Variants in MAP3K19 observed in about 807,000 individuals in gnomAD.
MAP3K19 encodes SPS1/STE20-related protein kinase YSK4.
Under a neutral mutation model 114.4 loss-of-function variants are expected in MAP3K19, and 91 were observed. The ratio of observed to expected loss-of-function variants is 0.80; its 90% CI spans 0.67 to 0.95. MAP3K19 has a LOEUF of 0.95. Among genes scored for constraint, MAP3K19 ranks in the 40% least tolerant of loss-of-function variants. MAP3K19 has a pLI of 0.00. For synonymous variants in MAP3K19, 518 were observed against 530.5 expected (o/e 0.98, Z 0.32); for missense variants, 1,471 against 1,573.2 (o/e 0.94, Z 1.10).
chr2:135,023,336 C>A, intron 4 of MAP3K19: 1 of 449,058 alleles, frequency 2.2e-6, no homozygotes, highest in South Asian at 1.7e-5. Context: ...TCCTCTCTAT[C>A]TGCGGGTGCA....
intron 5 of MAP3K19, among the ~76,000 whole-genome samples, chr2:135,013,338 G>A (rs1046297741): frequency 6.6e-6 from 1 of 151,224 alleles, no homozygotes; most frequent in African/African-American, 2.4e-5. Flanking sequence ...AGAAGAAGAA[G>A]AAGAACAAGG....
chr2:135,037,624 AG>A (rs1203138901), intron 2 of MAP3K19, among the ~76,000 whole-genome samples: 2 of 152,156 alleles, frequency 1.3e-5, no homozygotes, highest in Non-Finnish European at 2.9e-5. Context: ...TGTGAGCAAA[AG>A]TGCCAAGTGT....
In MAP3K19 at chr2:134,964,902, C is replaced by T. The variant is rs1246498267; in HGVS notation, c.3935G>A (p.Arg1312Gln). 1.2e-5 allele frequency: 19 copies of T among 1,612,536 alleles called. No homozygotes were observed. Among genetic ancestry groups the T allele is most frequent in the African/African-American group, 8.0e-5 (6 of 74,894 alleles). The change falls in exon 13 of 13, where the codon CGA (arginine) becomes CAA (glutamine). Residue 1312 changes from arginine to glutamine, a missense_variant. Arg to Gln is a conservative substitution (Grantham distance 43). Coordinates refer to ENST00000392915, the MANE Select transcript of MAP3K19 (RefSeq NM_025052.5). ...CTTCAGGAGCTGGAGAGCAGAAGGT[C>T]GCTCATGCTGGTCCCTAAGAAGGGA... ...RMCLTRDQHE[R>Q]PSALQLLKHS...
intron 3 of MAP3K19, among the ~76,000 whole-genome samples, chr2:135,027,642 T>A (rs1334871273): frequency 6.6e-6 from 1 of 152,158 alleles, no homozygotes; most frequent in African/African-American, 2.4e-5. Flanking sequence ...ATCAGAGGGG[T>A]CAAGCCATGT....
rs192081195 is a variant in MAP3K19 at position 134,964,657 on chromosome 2, A to G, written c.*193T>C. 9.5e-6 allele frequency: 4 copies of G among 420,708 alleles called. No homozygotes were observed. The highest frequency in any genetic ancestry group is 4.0e-5 in the African/African-American group (2 of 49,880). 26.1% of individuals were successfully genotyped at this position (420,708 alleles called of 1,614,324 possible). ...TATTAAGAACATGTTTTCTGATACT[A>G]TGAGTAATAATGTCTGACACTTGAG... On this transcript the variant is annotated 3_prime_UTR_variant, in exon 13 of 13. Coordinates refer to ENST00000392915, the MANE Select transcript of MAP3K19 (RefSeq NM_025052.5).
At chr2:135,039,156 T>C (rs997451087) in intron 2 of MAP3K19, among the ~76,000 whole-genome samples, 1 of 150,754 alleles carries the variant, frequency 6.6e-6, no homozygotes, top group African/African-American at 2.4e-5. Flanking sequence ...ATATGTGCTA[T>C]ATTTTATAAT....
At chr2:135,027,461 G>A (rs549907478) in intron 3 of MAP3K19, among the ~76,000 whole-genome samples, 31 of 152,240 alleles carry the variant, frequency 2.0e-4, no homozygotes, top group African/African-American at 7.2e-4. Flanking sequence ...TTTGTGTCTC[G>A]GTTTACATGT....
At chr2:134,991,888 G>C (rs1393611271) in intron 8 of MAP3K19, among the ~76,000 whole-genome samples, 2 of 152,134 alleles carry the variant, frequency 1.3e-5, no homozygotes, top group East Asian at 3.9e-4. Context: ...CCACAACCCA[G>C]TTCCTCACAG....
At position 135,031,495 on chromosome 2, in the gene MAP3K19, CT is replaced by C. The variant is rs140284353; in HGVS notation, c.-283-996del. ...AAGGAGATGTGGGTGGAGAAATCAGCTGTGCCTCAGTCCTGAAAGACCTGAC... is the reference window on the plus strand; with the variant it reads ...AAGGAGATGTGGGTGGAGAAATCAGCGTGCCTCAGTCCTGAAAGACCTGAC... On this transcript the variant is annotated intron_variant, in intron 2 of 12. Coordinates refer to ENST00000392915, the MANE Select transcript of MAP3K19 (RefSeq NM_025052.5). Among the ~76,000 whole-genome samples, 202 of 152,314 alleles carry C rather than the reference CT, an allele frequency of 1.3e-3. 1 individual carries two copies. Among genetic ancestry groups the C allele is most frequent in the African/African-American group, 4.7e-3 (194 of 41,558 alleles).
At chr2:134,967,873 T>TTA (rs1683488036) in intron 12 of MAP3K19, among the ~76,000 whole-genome samples, 2 of 151,428 alleles carry the variant, frequency 1.3e-5, no homozygotes, top group African/African-American at 2.4e-5. Context: ...TTTTTTTTTA[T>TTA]TTTTTATTGA....
intron 5 of MAP3K19, among the ~76,000 whole-genome samples, chr2:135,013,429 A>G (rs998443508): frequency 3.9e-5 from 6 of 152,046 alleles, no homozygotes; most frequent in Non-Finnish European, 7.4e-5. Flanking sequence ...AGAGTGGTAC[A>G]TTTGTTACAG....
At chr2:135,040,957 G>A (rs965322182) in intron 1 of MAP3K19, among the ~76,000 whole-genome samples, 8 of 152,134 alleles carry the variant, frequency 5.3e-5, no homozygotes, top group African/African-American at 1.9e-4. Flanking sequence ...CTCTAAAATG[G>A]AAATGATTGT....
intron 3 of MAP3K19, among the ~76,000 whole-genome samples, chr2:135,027,023 G>A (rs1688270761): frequency 6.6e-6 from 1 of 152,202 alleles, no homozygotes; most frequent in Non-Finnish European, 1.5e-5. Flanking sequence ...AGATGGGAGA[G>A]CAGCTTGAGG....
chr2:134,986,217 T>A lies in MAP3K19; in HGVS notation c.2655A>T (p.Arg885=), dbSNP rs1280082643. 6.2e-7 allele frequency: 1 copy of A among 1,613,956 alleles called. No individual in the cohort carries two copies. Among genetic ancestry groups the A allele is most frequent in the South Asian group, 1.1e-5 (1 of 90,982 alleles). Residue 885 remains arginine, a synonymous_variant, in exon 10 of 13, where the codon CGA becomes CGT. Transcript: ENST00000392915. ...CAAACTCTAGATCATTAGTTAAAAT[T>A]CGGCTGGCATTTACTTTACTAAGAG... ...TASLSKVNAS[R]ILTNDLEFDS... is the part of the protein sequence containing the mutation.
chr2:134,986,053 TG>T lies in MAP3K19; in HGVS notation c.2818del (p.Gln940LysfsTer7), dbSNP rs1163920891. On this transcript the variant is annotated frameshift_variant, in exon 10 of 13. Transcript: ENST00000392915. LOFTEE classifies it high-confidence loss of function. ...DSLANKSITY[Q>X]MFGKTLSGTN... ...GCCACTTAAGGTTTTTCCAAACATTTGATATGTGATTGACTTATTTGCTAAA... is the reference window on the plus strand; with the variant it reads ...GCCACTTAAGGTTTTTCCAAACATTTATATGTGATTGACTTATTTGCTAAA... The T allele has an allele frequency of 6.2e-7, 1 of 1,614,004 alleles. No individual in the cohort carries two copies. Among genetic ancestry groups the T allele is most frequent in the Admixed American group, 1.7e-5 (1 of 60,002 alleles).
At chr2:135,045,781 C>T (rs557438860) in intron 1 of MAP3K19, among the ~76,000 whole-genome samples, 18 of 152,102 alleles carry the variant, frequency 1.2e-4, no homozygotes, top group East Asian at 5.8e-4. Context: ...ACTGCAATAC[C>T]GGGTAATGTG....
chr2:134,964,887 T>C lies in MAP3K19; in HGVS notation c.3950A>G (p.Gln1317Arg), dbSNP rs1227842367. 1 of 1,613,026 alleles carries C rather than the reference T, an allele frequency of 6.2e-7. No individual in the cohort carries two copies. The highest frequency in any genetic ancestry group is 8.5e-7 in the Non-Finnish European group (1 of 1,179,380). ...RDQHERPSALQLLKHSFLERS... is the reference protein window; with the variant it reads ...RDQHERPSALRLLKHSFLERS... ...CTCCAAGAAGGAGTGCTTCAGGAGC[T>C]GGAGAGCAGAAGGTCGCTCATGCTG... is the stretch of plus-strand genomic sequence containing the variant. The change falls in exon 13 of 13, where the codon CAG becomes CGG. Residue 1317 changes from glutamine (Q) to arginine (R), a missense_variant. Coordinates refer to ENST00000392915, the MANE Select transcript of MAP3K19 (RefSeq NM_025052.5).
chr2:135,024,589 G>A (rs771952198), intron 4 of MAP3K19, 37 bp downstream of exon 4: 15 of 1,593,962 alleles, frequency 9.4e-6, no homozygotes, highest in Admixed American at 1.7e-5. Flanking sequence ...GGAATTTTTG[G>A]GTTGGGAAAT....
At chr2:134,969,414 G>T (rs533499121) in intron 12 of MAP3K19, among the ~76,000 whole-genome samples, 1 of 152,138 alleles carries the variant, frequency 6.6e-6, no homozygotes, top group East Asian at 1.9e-4. Flanking sequence ...GAGAGCTTTT[G>T]TGTGTTTTTA....
Sources: gnomAD v4.1 joint callset for allele counts (sites outside exome capture counted in the v4.1 genomes callset) on GRCh38, gnomAD v4.1.1 for gene constraint, MANE v1.5 for transcripts, NCBI Gene and HGNC (gene_info 2026-07-23, HGNC 2026-07-21) for gene names.